Variants in FGGY observed in about 807,000 individuals in gnomAD.
FGGY encodes the protein FGGY carbohydrate kinase domain containing.
FGGY carries 72 observed loss-of-function variants against 71.3 expected under a neutral mutation model. The observed-to-expected ratio is 1.01, with a 90% confidence interval of 0.84 to 1.23. FGGY has a LOEUF of 1.23. FGGY is among the 50% of genes most tolerant of loss of function. The probability of loss-of-function intolerance (pLI) is 0.00; values close to 1 mark genes in which losing one functional copy is unlikely to be tolerated. For synonymous variants in FGGY, 251 were observed against 250.3 expected, an observed-to-expected ratio of 1.00 and a Z score of -0.02; for missense variants, 668 against 682.3, an observed-to-expected ratio of 0.98 and a Z score of 0.23.
intron 14 of FGGY, among the ~76,000 whole-genome samples, chr1:59,710,130 G>A (rs974167509): frequency 7.9e-5 from 12 of 152,186 alleles, no homozygotes; most frequent in Non-Finnish European, 1.5e-4. Context: ...GCCAAGAACT[G>A]GCCCTGGAGA....
intron 7 of FGGY, among the ~76,000 whole-genome samples, chr1:59,515,910 A>G (rs910065121): frequency 6.6e-6 from 1 of 152,180 alleles, no homozygotes; most frequent in Non-Finnish European, 1.5e-5. Flanking sequence ...TGTTAGTGGA[A>G]AGATAGAATA....
chr1:59,415,591 C>T lies in FGGY; in HGVS notation c.554+36754C>T, dbSNP rs562203078. On this transcript the variant is annotated intron_variant, in intron 5 of 15. Transcript: ENST00000303721. ...ATGGATTCAGGTCTAGTGCCCCATC[C>T]CCAGGAAGCCTTTGGCCCTTCAGAT... is the stretch of plus-strand genomic sequence containing the variant. Among the ~76,000 whole-genome samples, 112 of 152,276 alleles carry T rather than the reference C, an allele frequency of 7.4e-4. No individual in the cohort carries two copies. In the South Asian group the frequency reaches 8.1e-3, roughly 11 times the overall value.
At chr1:59,332,577 A>G (rs898094334) in intron 2 of FGGY, among the ~76,000 whole-genome samples, 4 of 152,138 alleles carry the variant, frequency 2.6e-5, no homozygotes, top group African/African-American at 7.2e-5. Flanking sequence ...GTGGCTACCT[A>G]GCTAGATCAG....
Position 59,456,990 on chromosome 1 carries a change from C to T in FGGY, c.584C>T (p.Thr195Ile), listed in dbSNP as rs1161457918. 1.2e-6 allele frequency: 2 copies of T among 1,613,912 alleles called. No homozygotes were observed. Among genetic ancestry groups the T allele is most frequent in the Non-Finnish European group, 1.7e-6 (2 of 1,179,836 alleles). The change falls in exon 6 of 16, where the codon ACA becomes ATA. Residue 195 changes from threonine (T) to isoleucine (I), a missense_variant. By Grantham distance (89) the Thr-to-Ile change is moderately conservative. This residue lies in a region of FGGY where 661 missense variants were observed against 661.6 expected (regional missense o/e 1.00). Coordinates refer to ENST00000303721, the MANE Select transcript of FGGY (RefSeq NM_018291.5). ...RSLCSLVCKW[T>I]YSAEKGWDDS... ...CTCTGCTCCCTGGTGTGTAAGTGGA[C>T]ATATTCAGCAGAGAAAGGCTGGGAC...
At chr1:59,703,598 G>A (rs1174484112) in intron 14 of FGGY, among the ~76,000 whole-genome samples, 1 of 152,166 alleles carries the variant, frequency 6.6e-6, no homozygotes, top group Non-Finnish European at 1.5e-5. Context: ...CAGCATAATG[G>A]GAAATAAGCT....
At chr1:59,724,066 G>A (rs55762811) in intron 14 of FGGY, among the ~76,000 whole-genome samples, 4,817 of 152,178 alleles carry the variant, frequency 0.032, 101 homozygotes, top group East Asian at 0.089. Flanking sequence ...AGGAAGCTGA[G>A]GCAGGAGAAT....
At chr1:59,745,001 A>G (rs1289267099) in intron 14 of FGGY, among the ~76,000 whole-genome samples, 2 of 152,220 alleles carry the variant, frequency 1.3e-5, no homozygotes, top group Non-Finnish European at 2.9e-5. Context: ...TTGGACCTGC[A>G]TTCCACACCT....
At chr1:59,466,643 T>A (rs915400046) in intron 6 of FGGY, among the ~76,000 whole-genome samples, 1 of 151,980 alleles carries the variant, frequency 6.6e-6, no homozygotes, top group Non-Finnish European at 1.5e-5. Flanking sequence ...TACAAAGAAC[T>A]CAAACAACTT....
intron 11 of FGGY, among the ~76,000 whole-genome samples, chr1:59,648,467 T>C (rs1400660584): frequency 1.6e-5 from 2 of 128,556 alleles, no homozygotes; most frequent in Non-Finnish European, 3.2e-5. Context: ...GGTATCTCAT[T>C]GTGGTTTTGA....
chr1:59,565,285 CCTTT>C (rs2095856587), intron 8 of FGGY, among the ~76,000 whole-genome samples: 1 of 151,796 alleles, frequency 6.6e-6, no homozygotes, highest in Admixed American at 6.6e-5. Context: ...GCTAGTAAGT[CCTTT>C]CTTTTTTTTT....
chr1:59,584,282 C>T (rs912064912), intron 8 of FGGY, among the ~76,000 whole-genome samples: 1 of 149,800 alleles, frequency 6.7e-6, no homozygotes, highest in African/African-American at 2.5e-5. Context: ...AAAATACTGG[C>T]AAACCGAATT....
intron 5 of FGGY, among the ~76,000 whole-genome samples, chr1:59,438,092 G>T (rs1006621241): frequency 6.6e-5 from 10 of 152,188 alleles, no homozygotes; most frequent in African/African-American, 2.2e-4. Flanking sequence ...CAGTATATGG[G>T]TCAGTTGCTG....
chr1:59,601,345 G>A (rs1020743664), intron 8 of FGGY, among the ~76,000 whole-genome samples: 1 of 152,192 alleles, frequency 6.6e-6, no homozygotes, highest in Non-Finnish European at 1.5e-5. Context: ...GTGTGAGCAG[G>A]CTTCTGGGCT....
At chr1:59,588,705 G>A (rs924390651) in intron 8 of FGGY, among the ~76,000 whole-genome samples, 7 of 152,076 alleles carry the variant, frequency 4.6e-5, no homozygotes, top group African/African-American at 1.4e-4. Flanking sequence ...CAAAAGTGAA[G>A]GAGAAATAAA....
intron 4 of FGGY, among the ~76,000 whole-genome samples, chr1:59,356,046 A>G (rs1190505976): frequency 1.3e-5 from 2 of 152,264 alleles, no homozygotes; most frequent in East Asian, 3.9e-4. Context: ...CAGGGTCCAC[A>G]CTTCCATGCA....
chr1:59,499,309 T>TTTTTTTTTTTTTTTTTTTTG, intron 6 of FGGY, among the ~76,000 whole-genome samples: 1 of 146,578 alleles, frequency 6.8e-6, no homozygotes, highest in Non-Finnish European at 1.5e-5. Flanking sequence ...GTTTTTTTTT[T>TTTTTTTTTTTTTTTTTTTTG]TTTTTTGATC....
At position 59,660,277 on chromosome 1, in the gene FGGY, C is replaced by T. The variant is rs1388800784; in HGVS notation, c.1280C>T (p.Thr427Ile). 1.9e-6 allele frequency: 3 copies of T among 1,613,190 alleles called. No homozygotes were observed. Among genetic ancestry groups the T allele is most frequent in the East Asian group, 2.2e-5 (1 of 44,884 alleles). Residue 427 changes from threonine (T) to isoleucine (I), a missense_variant, in exon 12 of 16, where the codon ACA becomes ATA. Coordinates refer to ENST00000303721, the MANE Select transcript of FGGY (RefSeq NM_018291.5). ...LDDLAILYLATVQAIALGTRF... is the reference protein window; with the variant it reads ...LDDLAILYLAIVQAIALGTRF... ...GATCTTGCCATTCTCTACCTGGCCA[C>T]AGTTCAAGCCATTGCTGTAAGATAC...
At chr1:59,583,494 A>G (rs1308416592) in intron 8 of FGGY, among the ~76,000 whole-genome samples, 1 of 143,402 alleles carries the variant, frequency 7.0e-6, no homozygotes, top group African/African-American at 2.7e-5. Context: ...TTTTCTATTT[A>G]TGGAGGTATC....
At chr1:59,514,070 T>A (rs2094580564) in intron 7 of FGGY, among the ~76,000 whole-genome samples, 1 of 152,240 alleles carries the variant, frequency 6.6e-6, no homozygotes, top group Non-Finnish European at 1.5e-5. Context: ...CAATGTGTGC[T>A]TTTGATTGGA....
Sources: allele counts gnomAD v4.1 joint callset (sites outside exome capture counted in the v4.1 genomes callset), GRCh38; gene constraint gnomAD v4.1.1; regional missense constraint gnomAD v4.1.1; transcripts MANE v1.5; gene names NCBI Gene and HGNC (gene_info 2026-07-23, HGNC 2026-07-21).